JARID2: variants seen among roughly 807,000 people sequenced by gnomAD.
JARID2 encodes protein Jumonji.
JARID2 carries 21 observed loss-of-function variants against 125.6 expected under a neutral mutation model. The ratio of observed to expected loss-of-function variants is 0.17; its 90% CI spans 0.12 to 0.24. The LOEUF is 0.24. Among genes scored for constraint, JARID2 ranks in the 10% least tolerant of loss-of-function variants. The pLI is 1.00. For missense variants in JARID2, 1,303 were observed against 1,639.6 expected, an observed-to-expected ratio of 0.79 and a Z score of 3.55; for synonymous variants, 736 against 661.6, an observed-to-expected ratio of 1.11 and a Z score of -1.73.
At chr6:15,463,918 A>G (rs942221607) in intron 4 of JARID2, among the ~76,000 whole-genome samples, 3 of 152,170 alleles carry the variant, frequency 2.0e-5, no homozygotes, top group African/African-American at 7.2e-5. Flanking sequence ...TCCTGTTTGT[A>G]TTGAGCAGAT....
intron 1 of JARID2, among the ~76,000 whole-genome samples, chr6:15,291,503 C>G (rs149315418): frequency 6.6e-6 from 1 of 152,150 alleles, no homozygotes; most frequent in African/African-American, 2.4e-5. Context: ...CTTGAAGGAG[C>G]GCTTAAATGA....
At chr6:15,308,373 T>G (rs573852915) in intron 1 of JARID2, among the ~76,000 whole-genome samples, 1 of 152,220 alleles carries the variant, frequency 6.6e-6, no homozygotes, top group Non-Finnish European at 1.5e-5. Flanking sequence ...CCTCATTTAT[T>G]GTCACCAAGA....
At chr6:15,428,216 C>T (rs1021579101) in intron 3 of JARID2, among the ~76,000 whole-genome samples, 19 of 151,756 alleles carry the variant, frequency 1.3e-4, no homozygotes, top group African/African-American at 2.4e-5. Context: ...AATATTTTTT[C>T]CTTTAGGCTC....
At chr6:15,415,331 A>C (rs1029956094) in intron 3 of JARID2, among the ~76,000 whole-genome samples, 2 of 152,002 alleles carry the variant, frequency 1.3e-5, no homozygotes, top group South Asian at 2.1e-4. Flanking sequence ...GCTGCCGGCT[A>C]CACCTCCCAG....
At chr6:15,357,381 T>C (rs1166497300) in intron 1 of JARID2, among the ~76,000 whole-genome samples, 1 of 152,272 alleles carries the variant, frequency 6.6e-6, no homozygotes, top group African/African-American at 2.4e-5. Flanking sequence ...TTTTATGCTC[T>C]GAATTCATTC....
chr6:15,428,158 T>C (rs1193516391), intron 3 of JARID2, among the ~76,000 whole-genome samples: 1 of 152,158 alleles, frequency 6.6e-6, no homozygotes, highest in Non-Finnish European at 1.5e-5. Context: ...GAGGGGTTTT[T>C]ATGGTAAGTG....
At chr6:15,396,584 T>C (rs770360582) in intron 2 of JARID2, among the ~76,000 whole-genome samples, 6 of 152,218 alleles carry the variant, frequency 3.9e-5, no homozygotes, top group Non-Finnish European at 4.4e-5. Context: ...AAACCCTGTA[T>C]ATACTGTGTT....
chr6:15,446,671 A>C (rs964120995), intron 3 of JARID2, among the ~76,000 whole-genome samples: 1 of 152,168 alleles, frequency 6.6e-6, no homozygotes, highest in African/African-American at 2.4e-5. Flanking sequence ...ATGGGATCAA[A>C]TCCGTAAATG....
At chr6:15,435,147 A>G (rs1767147599) in intron 3 of JARID2, among the ~76,000 whole-genome samples, 1 of 152,198 alleles carries the variant, frequency 6.6e-6, no homozygotes, top group South Asian at 2.1e-4. Flanking sequence ...CCAGTTGGAC[A>G]TCTGCTGGGT....
intron 3 of JARID2, among the ~76,000 whole-genome samples, chr6:15,426,041 T>C (rs554106407): frequency 1.3e-5 from 2 of 152,306 alleles, no homozygotes; most frequent in East Asian, 1.9e-4. Context: ...GAAACAGGCC[T>C]GTACCTGTTT....
intron 2 of JARID2, among the ~76,000 whole-genome samples, chr6:15,405,968 C>G (rs1238442701): frequency 6.6e-6 from 1 of 151,932 alleles, no homozygotes; most frequent in African/African-American, 2.4e-5. Context: ...TGGTCGCCAG[C>G]GGGGGGGTTA....
chr6:15,285,106 G>GTTTTTTTT lies in JARID2; in HGVS notation c.45+38536_45+38543dup, dbSNP rs199945772. 1.8e-3 allele frequency among the ~76,000 whole-genome samples: 220 copies of GTTTTTTTT among 119,452 alleles called. 7 individuals are homozygous for GTTTTTTTT. Among genetic ancestry groups the GTTTTTTTT allele is most frequent in the African/African-American group, 6.9e-3 (211 of 30,416 alleles). 78.4% of individuals were successfully genotyped at this position (119,452 alleles called of 152,430 possible). ...TTTGCATTAATGTGAGTCTTTCTGG[G>GTTTTTTTT]TTTTTTTTTTTTTTTTTTTTTGAAA... is the stretch of plus-strand genomic sequence containing the variant. On this transcript the variant is annotated intron_variant, in intron 1 of 17. Transcript: ENST00000341776.
chr6:15,465,256 A>G (rs1340530256), intron 4 of JARID2, among the ~76,000 whole-genome samples: 1 of 152,144 alleles, frequency 6.6e-6, no homozygotes, highest in East Asian at 1.9e-4. Context: ...AGTTTGAGAC[A>G]AGCCTCGGCA....
chr6:15,249,890 C>T (rs1233484114), intron 1 of JARID2, among the ~76,000 whole-genome samples: 1 of 152,150 alleles, frequency 6.6e-6, no homozygotes, highest in Non-Finnish European at 1.5e-5. Flanking sequence ...AAAACATTTG[C>T]CTTTGAAAGC....
chr6:15,451,886 AAG>A (rs1767935765), intron 3 of JARID2, 118 bp from the exon 4 acceptor site: 5 of 934,816 alleles, frequency 5.3e-6, no homozygotes, highest in African/African-American at 1.7e-5. Context: ...CTTAATTAGG[AAG>A]AGTTTGCTTG....
At chr6:15,307,328 T>C (rs1203107329) in intron 1 of JARID2, among the ~76,000 whole-genome samples, 1 of 151,996 alleles carries the variant, frequency 6.6e-6, no homozygotes, top group East Asian at 2.0e-4. Context: ...ATTCAGGTGA[T>C]TCTCCTGCCT....
intron 1 of JARID2, among the ~76,000 whole-genome samples, chr6:15,341,454 C>T (rs888521232): frequency 4.6e-5 from 7 of 152,194 alleles, no homozygotes; most frequent in African/African-American, 1.7e-4. Flanking sequence ...GCCCCAGCCT[C>T]CAGGGTAAGA....
intron 1 of JARID2, among the ~76,000 whole-genome samples, chr6:15,291,488 T>G (rs555566280): frequency 6.6e-6 from 1 of 152,290 alleles, no homozygotes; most frequent in East Asian, 1.9e-4. Flanking sequence ...TCAGCCTGCG[T>G]CAGGCTTGAA....
chr6:15,419,307 C>G (rs995382872), intron 3 of JARID2, among the ~76,000 whole-genome samples: 3 of 152,104 alleles, frequency 2.0e-5, no homozygotes, highest in Non-Finnish European at 4.4e-5. Context: ...GTGAAATGTA[C>G]TCTCTACTAC....
Sources: gnomAD v4.1 joint callset for allele counts (sites outside exome capture counted in the v4.1 genomes callset) on GRCh38, gnomAD v4.1.1 for gene constraint, MANE v1.5 for transcripts, NCBI Gene and HGNC (gene_info 2026-07-23, HGNC 2026-07-21) for gene names.